The following PRKG1 variants were observed in gnomAD, a reference collection of about 807,000 sequenced individuals.
PRKG1 encodes protein kinase cGMP-dependent 1.
A neutral mutation model predicts 88.1 loss-of-function variants in PRKG1; 35 were observed. The ratio of observed to expected loss-of-function variants is 0.40; its 90% CI spans 0.30 to 0.53. PRKG1 has a LOEUF of 0.53. Ranked by LOEUF, PRKG1 falls within the 20% of genes least tolerant of loss-of-function variation. The pLI is 0.59. For missense variants in PRKG1, 540 were observed against 839.8 expected (o/e 0.64, Z 4.41); for synonymous variants, 303 against 292.5 (o/e 1.04, Z -0.37).
chr10:51,470,276 T>A (rs1456040636), intron 3 of PRKG1, among the ~76,000 whole-genome samples: 2 of 151,934 alleles, frequency 1.3e-5, no homozygotes, highest in Non-Finnish European at 2.9e-5. Context: ...CCTGTCGTCA[T>A]GTCATTTGGA....
intron 2 of PRKG1, among the ~76,000 whole-genome samples, chr10:51,201,798 T>C (rs1837918784): frequency 6.6e-6 from 1 of 152,210 alleles, no homozygotes; most frequent in South Asian, 2.1e-4. Flanking sequence ...CCAACCTTGC[T>C]GGCACCCTGA....
chr10:52,130,000 C>A (rs967631727), intron 7 of PRKG1, among the ~76,000 whole-genome samples: 5 of 152,168 alleles, frequency 3.3e-5, no homozygotes, highest in Admixed American at 2.0e-4. Context: ...CTAGCTATAT[C>A]TGACTTTGGG....
chr10:51,537,068 C>G (rs554554108), intron 3 of PRKG1, among the ~76,000 whole-genome samples: 87 of 152,190 alleles, frequency 5.7e-4, no homozygotes, highest in African/African-American at 2.0e-3. Flanking sequence ...GTCCACTCTT[C>G]CTGCATAGTA....
intron 2 of PRKG1, among the ~76,000 whole-genome samples, chr10:51,329,295 T>A (rs1051385332): frequency 1.3e-5 from 2 of 152,222 alleles, no homozygotes; most frequent in African/African-American, 4.8e-5. Flanking sequence ...ATATTCAGTT[T>A]CCCCTGCACC....
At chr10:51,814,683 G>A (rs1044529641) in intron 4 of PRKG1, among the ~76,000 whole-genome samples, 4 of 152,068 alleles carry the variant, frequency 2.6e-5, no homozygotes, top group Non-Finnish European at 4.4e-5. Context: ...CATTAAAGAT[G>A]ACACAAGGAG....
At chr10:51,127,500 A>G (rs1168244296) in intron 1 of PRKG1, among the ~76,000 whole-genome samples, 1 of 152,204 alleles carries the variant, frequency 6.6e-6, no homozygotes, top group Non-Finnish European at 1.5e-5. Flanking sequence ...ACACTTTTAC[A>G]CTGTTGGTAG....
chr10:51,945,824 C>T (rs540660117), intron 5 of PRKG1, among the ~76,000 whole-genome samples: 16,493 of 151,218 alleles, frequency 0.11, 2,561 homozygotes, highest in African/African-American at 0.34. Context: ...CTGAGAGATC[C>T]GCTGTTAGTC....
At chr10:51,211,829 A>T (rs1838229099) in intron 2 of PRKG1, among the ~76,000 whole-genome samples, 1 of 152,234 alleles carries the variant, frequency 6.6e-6, no homozygotes, top group East Asian at 1.9e-4. Context: ...ATACAAACAA[A>T]TGGAAGAACA....
chr10:51,249,614 C>G (rs7924118), intron 2 of PRKG1, among the ~76,000 whole-genome samples: 9 of 150,738 alleles, frequency 6.0e-5, no homozygotes, highest in Non-Finnish European at 1.3e-4. Flanking sequence ...TCAACTTTCC[C>G]TAGAAAGGAG....
intron 5 of PRKG1, among the ~76,000 whole-genome samples, chr10:52,050,079 GT>G (rs1265260903): frequency 6.6e-6 from 1 of 152,112 alleles, no homozygotes; most frequent in African/African-American, 2.4e-5. Flanking sequence ...GGTGGTGGTG[GT>G]AAGGGTGGGT....
chr10:51,930,105 C>A (rs1317452558), intron 5 of PRKG1, among the ~76,000 whole-genome samples: 1 of 151,998 alleles, frequency 6.6e-6, no homozygotes, highest in African/African-American at 2.4e-5. Flanking sequence ...CTGAATGAAA[C>A]CTTGAGGACA....
intron 9 of PRKG1, among the ~76,000 whole-genome samples, chr10:52,193,586 A>AG (rs978954012): frequency 6.6e-6 from 1 of 151,032 alleles, no homozygotes; most frequent in African/African-American, 2.4e-5. Flanking sequence ...CAAAAAAAAA[A>AG]CTATTCCAAA....
chr10:51,601,277 G>C (rs1044126455), intron 3 of PRKG1, among the ~76,000 whole-genome samples: 2 of 152,090 alleles, frequency 1.3e-5, no homozygotes, highest in African/African-American at 4.8e-5. Context: ...CTTTGTGATT[G>C]AGTCCAAGAC....
At chr10:51,409,888 A>G (rs1283468092) in intron 2 of PRKG1, among the ~76,000 whole-genome samples, 1 of 147,868 alleles carries the variant, frequency 6.8e-6, no homozygotes, top group Non-Finnish European at 1.5e-5. Context: ...AGTTATCTGC[A>G]GAAGATGTCA....
intron 3 of PRKG1, among the ~76,000 whole-genome samples, chr10:51,627,810 G>T (rs962791858): frequency 1.3e-5 from 2 of 151,594 alleles, no homozygotes; most frequent in Non-Finnish European, 2.9e-5. Context: ...TGGTAGAATG[G>T]TAGCTGAAAG....
At chr10:52,196,090 G>A (rs868084909) in intron 9 of PRKG1, among the ~76,000 whole-genome samples, 1 of 152,058 alleles carries the variant, frequency 6.6e-6, no homozygotes, top group East Asian at 1.9e-4. Context: ...TCGGCTCACT[G>A]CAAGCTCCGC....
Position 51,259,609 on chromosome 10 carries a change from G to A in PRKG1, c.478+106279G>A, listed in dbSNP as rs916476460. On this transcript the variant is annotated intron_variant, in intron 2 of 17. Transcript: ENST00000373980. ...CTGCTTCAGCCTCCTGAGTAGCTGG[G>A]ATTATAGGCGTGTGTCACCACGCCC... Among the ~76,000 whole-genome samples, 5 of 152,262 alleles carry A rather than the reference G, an allele frequency of 3.3e-5. No individual in the cohort carries two copies. The East Asian group carries it at 9.7e-4, about 29-fold the overall frequency.
At chr10:51,262,045 C>G (rs918698501) in intron 2 of PRKG1, among the ~76,000 whole-genome samples, 1 of 151,808 alleles carries the variant, frequency 6.6e-6, no homozygotes, top group African/African-American at 2.4e-5. Flanking sequence ...CGCCACTATG[C>G]CCGGCTAAAT....
At chr10:51,414,773 A>G (rs1838193200) in intron 2 of PRKG1, among the ~76,000 whole-genome samples, 1 of 152,164 alleles carries the variant, frequency 6.6e-6, no homozygotes, top group African/African-American at 2.4e-5. Context: ...GATTTTTTTA[A>G]AAAACAATAT....
Sources: allele counts gnomAD v4.1 joint callset (sites outside exome capture counted in the v4.1 genomes callset), GRCh38; gene constraint gnomAD v4.1.1; transcripts MANE v1.5; gene names NCBI Gene and HGNC (gene_info 2026-07-23, HGNC 2026-07-21).